The following GALNT9 variants were observed in gnomAD, a reference collection of about 807,000 sequenced individuals.
GALNT9 encodes the protein GalNAc transferase 9.
Under a neutral mutation model 63.1 loss-of-function variants are expected in GALNT9, and 47 were observed. The observed-to-expected ratio is 0.75, with a 90% CI of 0.59 to 0.95. The LOEUF (loss-of-function observed/expected upper bound fraction) is 0.95, where lower values mean the gene tolerates loss of function less well. GALNT9 is among the 40% of genes least tolerant of loss of function. GALNT9 has a pLI of 0.00. For synonymous variants in GALNT9, 396 were observed against 365.7 expected, an observed-to-expected ratio of 1.08 and a Z score of -0.94; for missense variants, 829 against 874.8, an observed-to-expected ratio of 0.95 and a Z score of 0.66.
intron 6 of GALNT9, among the ~76,000 whole-genome samples, chr12:132,214,001 C>G (rs1207432694): frequency 1.3e-5 from 2 of 152,186 alleles, no homozygotes; most frequent in African/African-American, 4.8e-5. Context: ...TCCGAGTCCT[C>G]AACCACCCCC....
intron 1 of GALNT9, among the ~76,000 whole-genome samples, chr12:132,306,948 C>T (rs1167825538): frequency 3.3e-5 from 5 of 152,044 alleles, no homozygotes; most frequent in East Asian, 1.9e-4. Context: ...GGGGAGGAGA[C>T]GGCTGTCTGG....
At chr12:132,307,541 A>G (rs1341337747) in intron 1 of GALNT9, among the ~76,000 whole-genome samples, 3 of 152,100 alleles carry the variant, frequency 2.0e-5, no homozygotes, top group African/African-American at 7.2e-5. Flanking sequence ...GTGTCTTATA[A>G]GAGAGAAGCG....
At chr12:132,215,834 G>A (rs903537908) in intron 6 of GALNT9, among the ~76,000 whole-genome samples, 1 of 152,032 alleles carries the variant, frequency 6.6e-6, no homozygotes, top group African/African-American at 2.4e-5. Context: ...CTGGGTGCTG[G>A]CCCTCCCTGA....
chr12:132,309,716 C>T (rs938783825), intron 1 of GALNT9, among the ~76,000 whole-genome samples: 2 of 152,216 alleles, frequency 1.3e-5, no homozygotes, highest in Non-Finnish European at 2.9e-5. Context: ...TTTGGACTTC[C>T]GGCCTCCAGA....
At chr12:132,306,584 C>T (rs1230346739) in intron 1 of GALNT9, among the ~76,000 whole-genome samples, 3 of 152,168 alleles carry the variant, frequency 2.0e-5, no homozygotes, top group African/African-American at 7.2e-5. Flanking sequence ...TTTCTGGGTA[C>T]CCCCACCTGC....
intron 6 of GALNT9, among the ~76,000 whole-genome samples, chr12:132,227,386 C>T (rs1357384205): frequency 1.3e-5 from 2 of 152,224 alleles, no homozygotes; most frequent in South Asian, 2.1e-4. Flanking sequence ...CCCTGCTGGC[C>T]GCAGCTCCCT....
chr12:132,287,899 T>C (rs548160547), intron 1 of GALNT9, among the ~76,000 whole-genome samples: 37 of 152,236 alleles, frequency 2.4e-4, no homozygotes, highest in African/African-American at 7.9e-4. Flanking sequence ...TGGGAGTCTC[T>C]GGGGCATCTT....
At chr12:132,241,212 ACC>A (rs1228195653) in intron 6 of GALNT9, among the ~76,000 whole-genome samples, 3 of 89,726 alleles carry the variant, frequency 3.3e-5, no homozygotes, top group Non-Finnish European at 7.0e-5. Flanking sequence ...CACACAACAC[ACC>A]CCCTTCCAGG....
At chr12:132,259,400 G>C (rs1160220098) in intron 4 of GALNT9, among the ~76,000 whole-genome samples, 2 of 152,228 alleles carry the variant, frequency 1.3e-5, no homozygotes, top group African/African-American at 4.8e-5. Flanking sequence ...GACATTGTGG[G>C]GGGCAGACAG....
intron 6 of GALNT9, among the ~76,000 whole-genome samples, chr12:132,220,770 T>C (rs892398925): frequency 3.9e-5 from 6 of 152,142 alleles, no homozygotes; most frequent in Non-Finnish European, 8.8e-5. Context: ...TCCAGATTTG[T>C]AGAAACACAC....
chr12:132,303,401 G>GCACAGAATCGCCCAGA lies in GALNT9; in HGVS notation c.239-16972_239-16971insTCTGGGCGATTCTGTG, dbSNP rs1272925406. 4.2e-3 allele frequency among the ~76,000 whole-genome samples: 410 copies of GCACAGAATCGCCCAGA among 98,124 alleles called. 48 individuals carry two copies. The highest frequency in any genetic ancestry group is 0.016 in the Admixed American group (130 of 8,198). 64.4% of individuals were successfully genotyped at this position (98,124 alleles called of 152,430 possible). Reference sequence around the variant, plus strand: ...CTCTCCGGGGCACAGCCTCGCCCGGGCACACCCTCACCCGGGCACAGCCTC... The same window carrying GCACAGAATCGCCCAGA: ...CTCTCCGGGGCACAGCCTCGCCCGGGCACAGAATCGCCCAGACACACCCTCACCCGGGCACAGCCTC... On this transcript the variant is annotated intron_variant, in intron 1 of 10. Transcript: ENST00000328957.
In GALNT9 at chr12:132,252,478, C is replaced by T. The variant is rs1555238671; in HGVS notation, c.960-4451G>A. Reference sequence around the variant, plus strand: ...TAGGGTCCAGCCCTACAGGGCTTAGCGGGTGTTCTCCCCGTGTGCAGAGAC... The same window carrying T: ...TAGGGTCCAGCCCTACAGGGCTTAGTGGGTGTTCTCCCCGTGTGCAGAGAC... On this transcript the variant is annotated intron_variant, in intron 5 of 10. Transcript: ENST00000328957. The surrounding 1 kb of genome is among the most constrained non-coding windows in gnomAD (Gnocchi z 5.2). 1.3e-5 allele frequency among the ~76,000 whole-genome samples: 2 copies of T among 152,154 alleles called. No homozygotes were observed. Among genetic ancestry groups the T allele is most frequent in the Admixed American group, 6.5e-5 (1 of 15,272 alleles).
chr12:132,221,739 G>T (rs1008282433), intron 6 of GALNT9, among the ~76,000 whole-genome samples: 21 of 148,546 alleles, frequency 1.4e-4, no homozygotes, highest in African/African-American at 4.7e-4. Context: ...AAAGGAATCC[G>T]CAAACGTCAG....
At chr12:132,287,492 C>G (rs1880646272) in intron 1 of GALNT9, among the ~76,000 whole-genome samples, 1 of 152,176 alleles carries the variant, frequency 6.6e-6, no homozygotes, top group South Asian at 2.1e-4. Flanking sequence ...GTAGGAAGAA[C>G]CGAGCCGTCG....
Position 132,286,458 on chromosome 12 carries a change from G to C in GALNT9, c.239-28C>G. 1 of 1,538,696 alleles carries C rather than the reference G, an allele frequency of 6.5e-7. No homozygotes were observed. The highest frequency in any genetic ancestry group is 8.8e-7 in the Non-Finnish European group (1 of 1,142,194). On this transcript the variant is annotated intron_variant, in intron 1 of 10. Coordinates refer to ENST00000328957, the MANE Select transcript of GALNT9 (RefSeq NM_001122636.2). This position sits in a 1 kb window ranked among gnomAD's most constrained non-coding sequence, Gnocchi z 7.4. ...GGGGGAAAGGAAGAGAGGGAGGTCA[G>C]GCAGGCCCAGGACACGCTGCGTCTG...
Position 132,203,699 on chromosome 12 carries a change from A to G in GALNT9, c.1078-9T>C, listed in dbSNP as rs377202435. 7.1e-5 allele frequency: 114 copies of G among 1,609,242 alleles called. No homozygotes were observed. Among genetic ancestry groups the G allele is most frequent in the Non-Finnish European group, 9.3e-5 (110 of 1,179,106 alleles). ...CCGCCACACTGCCACACCTGCGGGGAGACGGCGCTGGGTGCCGGCGTCCTT... is the reference window on the plus strand; with the variant it reads ...CCGCCACACTGCCACACCTGCGGGGGGACGGCGCTGGGTGCCGGCGTCCTT... On this transcript the variant is annotated splice_polypyrimidine_tract_variant and intron_variant, in intron 6 of 10. Transcript: ENST00000328957.
intron 6 of GALNT9, among the ~76,000 whole-genome samples, chr12:132,227,725 T>C (rs1052896713): frequency 6.6e-6 from 1 of 152,098 alleles, no homozygotes; most frequent in African/African-American, 2.4e-5. Flanking sequence ...GTAGTCGTAT[T>C]GTCATCCTTA....
Position 132,231,042 on chromosome 12 carries a change from GA to G in GALNT9, c.1077+16867del, listed in dbSNP as rs1593073759. Among the ~76,000 whole-genome samples the G allele has an allele frequency of 1.1e-4, 15 of 142,194 alleles. No individual in the cohort carries two copies. The East Asian group carries it at 1.7e-3, about 16-fold the overall frequency. 93.3% of individuals were successfully genotyped at this position (142,194 alleles called of 152,430 possible). A position where few individuals can be genotyped will look rare whatever the true frequency, so the allele number is the denominator to read the frequency against. On this transcript the variant is annotated intron_variant, in intron 6 of 10. Coordinates refer to ENST00000328957, the MANE Select transcript of GALNT9 (RefSeq NM_001122636.2). ...GTGCCACACACTCGATGGGGCGACAGAGGAGACAGCGTGGAGTCCCTAGTGC... is the reference window on the plus strand; with the variant it reads ...GTGCCACACACTCGATGGGGCGACAGGGAGACAGCGTGGAGTCCCTAGTGC...
chr12:132,320,905 C>G (rs1555246073), intron 1 of GALNT9, among the ~76,000 whole-genome samples: 1 of 152,206 alleles, frequency 6.6e-6, no homozygotes, highest in Non-Finnish European at 1.5e-5. Flanking sequence ...GATAGGGAAA[C>G]CAAGGTGCAG....
Sources: gnomAD v4.1 joint callset for allele counts (sites outside exome capture counted in the v4.1 genomes callset) on GRCh38, gnomAD v4.1.1 for gene constraint, Gnocchi (gnomAD v3.1) non-coding constraint, MANE v1.5 for transcripts, NCBI Gene and HGNC (gene_info 2026-07-23, HGNC 2026-07-21) for gene names.